Variants in TPRG1 observed in about 807,000 individuals in gnomAD.
TPRG1 encodes the protein tumor protein p63 regulated 1, also known as tumor protein p63-regulated gene 1 protein.
Under a neutral mutation model 29.3 loss-of-function variants are expected in TPRG1, and 29 were observed. The observed-to-expected ratio is 0.99, with a 90% CI of 0.74 to 1.35. The LOEUF (loss-of-function observed/expected upper bound fraction) is 1.35. Among genes scored for constraint, TPRG1 ranks in the 40% most tolerant of loss-of-function variants. The pLI is 0.00. For missense variants in TPRG1, 327 were observed against 335.0 expected, an observed-to-expected ratio of 0.98 and a Z score of 0.19; for synonymous variants, 130 against 116.8, an observed-to-expected ratio of 1.11 and a Z score of -0.73.
intron 3 of TPRG1, among the ~76,000 whole-genome samples, chr3:189,010,273 A>T (rs1267741651): frequency 6.6e-6 from 1 of 151,944 alleles, no homozygotes; most frequent in Admixed American, 6.6e-5. Flanking sequence ...ATAATAGAAA[A>T]ATTTATATTC....
At chr3:189,035,140 A>G (rs1714179200) in intron 4 of TPRG1, among the ~76,000 whole-genome samples, 1 of 152,196 alleles carries the variant, frequency 6.6e-6, no homozygotes, top group South Asian at 2.1e-4. Context: ...CCACACACCT[A>G]CAACCATATG....
rs1263175246 is a variant in TPRG1 at position 189,321,702 on chromosome 3, A to G, written c.*882A>G. The G allele has an allele frequency of 6.6e-6, 1 of 152,120 alleles. No individual in the cohort carries two copies. The highest frequency in any genetic ancestry group is 1.5e-5 in the Non-Finnish European group (1 of 68,000). The allele number at this position is 152,120 out of a possible 1,614,324, so 9.4% of individuals were successfully genotyped here. On this transcript the variant is annotated 3_prime_UTR_variant, in exon 6 of 6. Coordinates refer to ENST00000345063, the MANE Select transcript of TPRG1 (RefSeq NM_198485.4). The stretch of plus-strand genomic sequence containing the variant: ...CTTGGTTTCTAGCTCATTTACTTAT[A>G]CCATCTTTTGTTCAAATATATATTT...
chr3:189,020,562 G>A (rs1050358222), intron 3 of TPRG1, among the ~76,000 whole-genome samples: 8 of 150,910 alleles, frequency 5.3e-5, no homozygotes, highest in Admixed American at 2.6e-4. Context: ...TCTTAATCCT[G>A]AGTTCTAGTT....
chr3:189,076,159 C>T (rs1358805767), intron 4 of TPRG1, among the ~76,000 whole-genome samples: 1 of 152,136 alleles, frequency 6.6e-6, no homozygotes, highest in African/African-American at 2.4e-5. Flanking sequence ...TAGCTCCAAG[C>T]GGCCTTCTGG....
chr3:189,033,322 C>T (rs538367634), intron 4 of TPRG1, among the ~76,000 whole-genome samples: 1 of 151,666 alleles, frequency 6.6e-6, no homozygotes, highest in Non-Finnish European at 1.5e-5. Context: ...CACACGTTCA[C>T]CCATGCCGGA....
At chr3:189,132,445 G>T (rs774278565) in exon 3 of TPRG1, 14 of 152,210 alleles carry the variant, frequency 9.2e-5, no homozygotes, top group African/African-American at 3.1e-4. Context: ...GTCACCAGAG[G>T]TGATGAGGGA....
At chr3:189,050,809 T>G (rs1715268990) in intron 4 of TPRG1, among the ~76,000 whole-genome samples, 1 of 152,178 alleles carries the variant, frequency 6.6e-6, no homozygotes, top group Non-Finnish European at 1.5e-5. Context: ...AAACACCACA[T>G]AAGCAGAATT....
chr3:189,310,413 C>T lies in TPRG1; in HGVS notation c.507C>T (p.Tyr169=). 6.2e-7 allele frequency: 1 copy of T among 1,609,136 alleles called. No homozygotes were observed. Among genetic ancestry groups the T allele is most frequent in the Non-Finnish European group, 8.5e-7 (1 of 1,177,338 alleles). The change falls in exon 5 of 6, where the codon TAC becomes TAT. Residue 169 remains tyrosine (Y), a synonymous_variant. Coordinates refer to ENST00000345063, the MANE Select transcript of TPRG1 (RefSeq NM_198485.4). ...DKRQGEGLRI[Y]WGSPEEQSLL... ...GACAAGGAGAAGGCCTTAGGATCTACTGGGGGAGTCCGGAGGAGCAGTCTC... is the reference window on the plus strand; with the variant it reads ...GACAAGGAGAAGGCCTTAGGATCTATTGGGGGAGTCCGGAGGAGCAGTCTC...
At chr3:189,250,505 C>CT (rs1491185299) in intron 4 of TPRG1, among the ~76,000 whole-genome samples, 1 of 17,750 alleles carries the variant, frequency 5.6e-5, no homozygotes, top group African/African-American at 1.9e-4. Flanking sequence ...CTGATTTCCG[C>CT]CCCCCCCCCC....
At chr3:189,272,752 G>A (rs778726448) in intron 4 of TPRG1, among the ~76,000 whole-genome samples, 14 of 44,902 alleles carry the variant, frequency 3.1e-4, no homozygotes, top group Admixed American at 5.8e-4. Flanking sequence ...TCCTTCCTTC[G>A]TTCCTTCCTT....
At chr3:189,251,921 T>C (rs1410414380) in intron 4 of TPRG1, among the ~76,000 whole-genome samples, 1 of 152,112 alleles carries the variant, frequency 6.6e-6, no homozygotes, top group African/African-American at 2.4e-5. Flanking sequence ...AGACCCTTTA[T>C]GGGTGTCCGG....
At chr3:189,196,929 A>C (rs1560538759) in intron 1 of TPRG1, among the ~76,000 whole-genome samples, 1 of 152,210 alleles carries the variant, frequency 6.6e-6, no homozygotes, top group South Asian at 2.1e-4. Context: ...GTAAAAAGTC[A>C]CAGTTGGTCT....
intron 5 of TPRG1, among the ~76,000 whole-genome samples, chr3:189,155,252 C>T (rs1726514597): frequency 6.6e-6 from 1 of 152,102 alleles, no homozygotes; most frequent in Non-Finnish European, 1.5e-5. Flanking sequence ...GAAGGATGGA[C>T]AGAAGCAGAA....
At chr3:189,205,776 T>C (rs1277837479) in intron 1 of TPRG1, among the ~76,000 whole-genome samples, 1 of 152,240 alleles carries the variant, frequency 6.6e-6, no homozygotes, top group Non-Finnish European at 1.5e-5. Context: ...TTTATTTTGC[T>C]TTGCTTTATA....
chr3:189,095,074 C>T (rs1018433143), intron 4 of TPRG1, among the ~76,000 whole-genome samples: 2 of 152,124 alleles, frequency 1.3e-5, no homozygotes, highest in African/African-American at 4.8e-5. Context: ...TTCTTCTGGC[C>T]CCTGCCTGCT....
At chr3:189,141,845 A>G (rs1451792888) in intron 3 of TPRG1, among the ~76,000 whole-genome samples, 1 of 152,226 alleles carries the variant, frequency 6.6e-6, no homozygotes, top group African/African-American at 2.4e-5. Flanking sequence ...TAATGAAGGA[A>G]GAGAACAGGA....
chr3:189,295,317 G>A (rs1515079), intron 4 of TPRG1, among the ~76,000 whole-genome samples: 14,646 of 152,064 alleles, frequency 0.096, 867 homozygotes, highest in East Asian at 0.19. Flanking sequence ...ACAATGCCAA[G>A]GCTGTGTTGT....
intron 3 of TPRG1, among the ~76,000 whole-genome samples, chr3:189,017,321 T>C (rs1712996365): frequency 6.6e-6 from 1 of 152,084 alleles, no homozygotes; most frequent in Non-Finnish European, 1.5e-5. Context: ...GCTGGTGCAC[T>C]GCCCCCACTA....
chr3:189,298,265 G>C (rs1371634946), intron 4 of TPRG1, among the ~76,000 whole-genome samples: 1 of 152,126 alleles, frequency 6.6e-6, no homozygotes, highest in African/African-American at 2.4e-5. Context: ...AGGTTGTGAT[G>C]GGAGCCAAAA....
Sources: allele counts gnomAD v4.1 joint callset (sites outside exome capture counted in the v4.1 genomes callset), GRCh38; gene constraint gnomAD v4.1.1; transcripts MANE v1.5; gene names NCBI Gene and HGNC (gene_info 2026-07-23, HGNC 2026-07-21).